GALNTL6: variants seen among roughly 807,000 people sequenced by gnomAD.
The protein encoded by GALNTL6 is polypeptide N-acetylgalactosaminyltransferase like 6.
GALNTL6 carries 46 observed loss-of-function variants against 73.7 expected under a neutral mutation model. The ratio of observed to expected loss-of-function variants is 0.62; its 90% confidence interval spans 0.49 to 0.80. The LOEUF (loss-of-function observed/expected upper bound fraction) is 0.80, where lower values mean the gene tolerates loss of function less well. Among genes scored for constraint, GALNTL6 ranks in the 30% least tolerant of loss-of-function variants. The pLI is 0.00. For missense variants in GALNTL6, 604 were observed against 755.0 expected (o/e 0.80, Z 2.34); for synonymous variants, 259 against 263.7 (o/e 0.98, Z 0.17).
chr4:172,569,705 C>G (rs1736690569), intron 5 of GALNTL6, among the ~76,000 whole-genome samples: 1 of 152,178 alleles, frequency 6.6e-6, no homozygotes, highest in South Asian at 2.1e-4. Context: ...AAAAAAGATG[C>G]AGCTCAGTGT....
At chr4:172,114,141 T>C (rs1455345390) in intron 2 of GALNTL6, among the ~76,000 whole-genome samples, 1 of 152,110 alleles carries the variant, frequency 6.6e-6, no homozygotes, top group Non-Finnish European at 1.5e-5. Flanking sequence ...CTCTTCATAA[T>C]TTGAATGCAG....
At chr4:172,869,842 T>C (rs1561003619) in intron 7 of GALNTL6, among the ~76,000 whole-genome samples, 1 of 152,122 alleles carries the variant, frequency 6.6e-6, no homozygotes, top group African/African-American at 2.4e-5. Context: ...AACCCATGCA[T>C]AAACTAATCA....
chr4:172,917,500 CT>C (rs1747583628), intron 8 of GALNTL6, among the ~76,000 whole-genome samples: 1 of 152,188 alleles, frequency 6.6e-6, no homozygotes, highest in Non-Finnish European at 1.5e-5. Context: ...ATCTACTCAT[CT>C]GACAAAGGGT....
chr4:172,831,265 G>A (rs529872360), intron 7 of GALNTL6, among the ~76,000 whole-genome samples: 237 of 150,968 alleles, frequency 1.6e-3, no homozygotes, highest in Non-Finnish European at 2.2e-3. Context: ...AGTCTTGGAA[G>A]CTGCAGCTAA....
At chr4:171,835,028 C>A (rs2110831816) in intron 2 of GALNTL6, among the ~76,000 whole-genome samples, 1 of 151,790 alleles carries the variant, frequency 6.6e-6, no homozygotes, top group African/African-American at 2.4e-5. Flanking sequence ...CACTTATTGA[C>A]AGACAAAGAA....
chr4:172,747,195 A>G (rs1385331346), intron 5 of GALNTL6, among the ~76,000 whole-genome samples: 2 of 152,274 alleles, frequency 1.3e-5, no homozygotes, highest in East Asian at 3.9e-4. Context: ...AAAACCTTCT[A>G]CAAAGCAAAG....
Position 172,682,269 on chromosome 4 carries a change from AAC to A in GALNTL6, c.554-127088_554-127087del, listed in dbSNP as rs139007892. The stretch of plus-strand genomic sequence containing the variant: ...AAGAATTCTTCTTTTAGATCATTTT[AAC>A]ACAGTTTACAAAAATGGTAACATTT... On this transcript the variant is annotated intron_variant, in intron 5 of 12. Coordinates refer to ENST00000506823, the MANE Select transcript of GALNTL6 (RefSeq NM_001034845.3). Among the ~76,000 whole-genome samples, 1,066 of 152,300 alleles carry A rather than the reference AAC, an allele frequency of 7.0e-3. 19 individuals carry two copies. The highest frequency in any genetic ancestry group is 0.025 in the African/African-American group (1,023 of 41,560).
At chr4:172,337,543 TA>T (rs1741381718) in intron 4 of GALNTL6, among the ~76,000 whole-genome samples, 1 of 152,152 alleles carries the variant, frequency 6.6e-6, no homozygotes, top group Non-Finnish European at 1.5e-5. Context: ...AAGCTTAGTT[TA>T]GTGGTACATT....
At chr4:173,019,142 C>T (rs952876636) in intron 11 of GALNTL6, among the ~76,000 whole-genome samples, 1 of 152,076 alleles carries the variant, frequency 6.6e-6, no homozygotes, top group African/African-American at 2.4e-5. Context: ...GTTAAAGACT[C>T]CAAGGTTGAT....
chr4:172,562,228 T>G lies in GALNTL6; in HGVS notation c.553+213539T>G, dbSNP rs139578278. 2.0e-4 allele frequency among the ~76,000 whole-genome samples: 31 copies of G among 152,314 alleles called. No individual in the cohort carries two copies. The East Asian group carries it at 4.8e-3, about 24-fold the overall frequency. On this transcript the variant is annotated intron_variant, in intron 5 of 12. Transcript: ENST00000506823. Reference sequence around the variant, plus strand: ...CTCATTAGAAAGTGGTTGCTTCTGCTGGCAATCTCTGCACTCACCCCCAAT... The same window carrying G: ...CTCATTAGAAAGTGGTTGCTTCTGCGGGCAATCTCTGCACTCACCCCCAAT...
intron 12 of GALNTL6, among the ~76,000 whole-genome samples, chr4:173,033,077 T>C (rs1753537799): frequency 6.6e-6 from 1 of 152,168 alleles, no homozygotes; most frequent in East Asian, 1.9e-4. Context: ...CTCAGCTCAC[T>C]GCAACCTCCT....
chr4:172,848,945 G>T (rs35447014), intron 7 of GALNTL6, among the ~76,000 whole-genome samples: 40,504 of 152,028 alleles, frequency 0.27, 5,868 homozygotes, highest in African/African-American at 0.38. Context: ...GAGAGTAGCT[G>T]CCAGTGAGAA....
intron 5 of GALNTL6, among the ~76,000 whole-genome samples, chr4:172,782,625 T>C (rs1309114313): frequency 6.6e-6 from 1 of 152,126 alleles, no homozygotes; most frequent in Non-Finnish European, 1.5e-5. Context: ...TTTTTCCTTT[T>C]AGCATCCTAA....
At chr4:172,841,710 G>A (rs1207989638) in intron 7 of GALNTL6, among the ~76,000 whole-genome samples, 1 of 152,026 alleles carries the variant, frequency 6.6e-6, no homozygotes, top group Non-Finnish European at 1.5e-5. Flanking sequence ...ACTCACTATC[G>A]CAAGAACAGC....
At chr4:173,013,901 G>T (rs1475725364) in intron 11 of GALNTL6, among the ~76,000 whole-genome samples, 1 of 152,102 alleles carries the variant, frequency 6.6e-6, no homozygotes, top group African/African-American at 2.4e-5. Flanking sequence ...ACAAGAATTA[G>T]GAAGCACTCT....
At chr4:172,942,922 C>T (rs908610784) in intron 9 of GALNTL6, among the ~76,000 whole-genome samples, 1 of 152,122 alleles carries the variant, frequency 6.6e-6, no homozygotes, top group African/African-American at 2.4e-5. Flanking sequence ...TCTGTGGTCT[C>T]TCTTCAACGG....
At chr4:172,566,967 A>G (rs1736577020) in intron 5 of GALNTL6, among the ~76,000 whole-genome samples, 2 of 152,064 alleles carry the variant, frequency 1.3e-5, no homozygotes, top group Non-Finnish European at 1.5e-5. Flanking sequence ...TTCATTTTCA[A>G]TAACTAGTTT....
chr4:172,226,092 T>C (rs75197434), intron 2 of GALNTL6, among the ~76,000 whole-genome samples: 2,231 of 152,324 alleles, frequency 0.015, 60 homozygotes, highest in African/African-American at 0.051. Context: ...AATCATACTA[T>C]GAAGACTATG....
chr4:172,381,243 A>G (rs1439127320), intron 5 of GALNTL6, among the ~76,000 whole-genome samples: 1 of 152,152 alleles, frequency 6.6e-6, no homozygotes, highest in Admixed American at 6.5e-5. Flanking sequence ...TTTCCTTTTT[A>G]CTTTTTGTAA....
Sources: allele counts gnomAD v4.1 joint callset (sites outside exome capture counted in the v4.1 genomes callset), GRCh38; gene constraint gnomAD v4.1.1; transcripts MANE v1.5; gene names NCBI Gene and HGNC (gene_info 2026-07-23, HGNC 2026-07-21).